Variants in ADAMTS18 observed in about 807,000 individuals in gnomAD.
The protein encoded by ADAMTS18 is ADAM metallopeptidase with thrombospondin type 1 motif 18, also known as A disintegrin and metalloproteinase with thrombospondin motifs 18.
A neutral mutation model predicts 165.9 loss-of-function variants in ADAMTS18; 157 were observed. The ratio of observed to expected loss-of-function variants is 0.95; its 90% CI spans 0.83 to 1.08. The LOEUF (loss-of-function observed/expected upper bound fraction) is 1.08. ADAMTS18 is among the 50% of genes least tolerant of loss of function. The pLI, the probability that ADAMTS18 is intolerant of heterozygous loss-of-function variation, is 0.00. For synonymous variants in ADAMTS18, 782 were observed against 578.2 expected (o/e 1.35, Z -5.06); for missense variants, 2,040 against 1,534.0 (o/e 1.33, Z -5.51).
chr16:77,300,667 TATACACAAACACATAC>T (rs1021801389), intron 16 of ADAMTS18, among the ~76,000 whole-genome samples: 27 of 152,022 alleles, frequency 1.8e-4, no homozygotes, highest in Non-Finnish European at 3.4e-4. Context: ...GCCCATAACG[TATACACAAACACATAC>T]ATACACACAC....
At chr16:77,328,824 G>C (rs967116626) in intron 12 of ADAMTS18, among the ~76,000 whole-genome samples, 1 of 152,196 alleles carries the variant, frequency 6.6e-6, no homozygotes, top group African/African-American at 2.4e-5. Flanking sequence ...ACGTGGAAAA[G>C]ACCACCAAAT....
At chr16:77,335,708 G>C in intron 12 of ADAMTS18, 48 bp downstream of exon 12, 1 of 1,611,482 alleles carries the variant, frequency 6.2e-7, no homozygotes, top group African/African-American at 1.3e-5. Flanking sequence ...CGTGTTACAG[G>C]CTGAAGGTTA....
chr16:77,376,472 G>C (rs1428361074), intron 3 of ADAMTS18, among the ~76,000 whole-genome samples: 1 of 152,144 alleles, frequency 6.6e-6, no homozygotes, highest in Non-Finnish European at 1.5e-5. Context: ...TGGTGGAAGA[G>C]CTGCCCCAAC....
At chr16:77,321,254 G>A in intron 14 of ADAMTS18, 52 bp from the exon 15 acceptor site, 1 of 1,610,250 alleles carries the variant, frequency 6.2e-7, no homozygotes, top group East Asian at 2.2e-5. Flanking sequence ...GAAGCCAGAG[G>A]CTGGGAATAA....
At chr16:77,424,333 C>A (rs982070460) in intron 3 of ADAMTS18, among the ~76,000 whole-genome samples, 2 of 152,140 alleles carry the variant, frequency 1.3e-5, no homozygotes, top group Non-Finnish European at 2.9e-5. Flanking sequence ...CCGGACATGG[C>A]AGTGCATGCC....
chr16:77,417,245 T>C (rs185056959), intron 3 of ADAMTS18, among the ~76,000 whole-genome samples: 248 of 151,738 alleles, frequency 1.6e-3, no homozygotes, highest in African/African-American at 5.7e-3. Context: ...GTTTTAGAAG[T>C]GTGAATGGGA....
chr16:77,309,174 A>C (rs2055734562), intron 16 of ADAMTS18, among the ~76,000 whole-genome samples: 1 of 152,036 alleles, frequency 6.6e-6, no homozygotes, highest in Admixed American at 6.6e-5. Flanking sequence ...TGACTGCTAA[A>C]TCAATATTTA....
chr16:77,430,510 G>T (rs1597266790), intron 3 of ADAMTS18, among the ~76,000 whole-genome samples: 1 of 152,196 alleles, frequency 6.6e-6, no homozygotes, highest in Non-Finnish European at 1.5e-5. Flanking sequence ...CCATGCCAGA[G>T]CACAATCACC....
chr16:77,341,139 C>A (rs1479493888), intron 11 of ADAMTS18, among the ~76,000 whole-genome samples: 1 of 152,124 alleles, frequency 6.6e-6, no homozygotes, highest in Non-Finnish European at 1.5e-5. Flanking sequence ...ATATTGAGAT[C>A]TCCTATAATC....
chr16:77,382,351 C>T (rs1252963284), intron 3 of ADAMTS18, among the ~76,000 whole-genome samples: 4 of 152,276 alleles, frequency 2.6e-5, no homozygotes, highest in South Asian at 2.1e-4. Flanking sequence ...GCTGGGACTA[C>T]AGGCGCCCGC....
At chr16:77,413,801 C>A (rs1363714630) in intron 3 of ADAMTS18, among the ~76,000 whole-genome samples, 1 of 115,820 alleles carries the variant, frequency 8.6e-6, no homozygotes, top group Non-Finnish European at 1.9e-5. Flanking sequence ...AAAGAGGTTT[C>A]CATCTGAAAA....
At chr16:77,373,537 A>G (rs906424005) in intron 3 of ADAMTS18, among the ~76,000 whole-genome samples, 1 of 152,178 alleles carries the variant, frequency 6.6e-6, no homozygotes, top group African/African-American at 2.4e-5. Flanking sequence ...TAAGAATGAT[A>G]TAATGGATTA....
At chr16:77,287,954 A>G (rs1242898202) in intron 22 of ADAMTS18, among the ~76,000 whole-genome samples, 1 of 152,196 alleles carries the variant, frequency 6.6e-6, no homozygotes, top group African/African-American at 2.4e-5. Context: ...TTTCATCCCT[A>G]GAAGAGTGCT....
At chr16:77,365,621 G>C (rs559926498) in intron 4 of ADAMTS18, among the ~76,000 whole-genome samples, 1 of 152,218 alleles carries the variant, frequency 6.6e-6, no homozygotes, top group South Asian at 2.1e-4. Flanking sequence ...AGACCTAGAA[G>C]TGCCTGCTCG....
intron 3 of ADAMTS18, among the ~76,000 whole-genome samples, chr16:77,428,899 A>C (rs1220078704): frequency 6.6e-6 from 1 of 152,168 alleles, no homozygotes; most frequent in African/African-American, 2.4e-5. Flanking sequence ...CAACAACTTT[A>C]TTCTTAGGCA....
Position 77,312,484 on chromosome 16 carries a change from C to T in ADAMTS18, c.2532+7365G>A, listed in dbSNP as rs539724059. 2.0e-4 allele frequency among the ~76,000 whole-genome samples: 31 copies of T among 152,230 alleles called. No individual in the cohort carries two copies. The South Asian group carries it at 3.7e-3, about 18-fold the overall frequency. ...AACTCCTGACCTCAGGTGATCTACC[C>T]GCCTTGGCCTCCCAAAGTGCTGGGA... On this transcript the variant is annotated intron_variant, in intron 16 of 22. Coordinates refer to ENST00000282849, the MANE Select transcript of ADAMTS18 (RefSeq NM_199355.4).
intron 3 of ADAMTS18, among the ~76,000 whole-genome samples, chr16:77,413,668 T>C (rs897368558): frequency 1.3e-5 from 2 of 152,218 alleles, no homozygotes; most frequent in East Asian, 1.9e-4. Flanking sequence ...CTTTGCTTTC[T>C]ACATATGTTA....
At position 77,300,324 on chromosome 16, in the gene ADAMTS18, T is replaced by C. The variant is rs2055557245; in HGVS notation, c.2613A>G (p.Thr871=). ...PKVMNGTPPA[T]KRPAYTWSIV... ...TACTCCAGGTATAGGCAGGTCTTTT[T>C]GTGGCTGGTGGAGTTCCATTCATGA... The change falls in exon 17 of 23, where the codon ACA becomes ACG. Residue 871 remains threonine, a synonymous_variant. Coordinates refer to ENST00000282849, the MANE Select transcript of ADAMTS18 (RefSeq NM_199355.4). The C allele has an allele frequency of 1.2e-6, 2 of 1,613,982 alleles. No individual in the cohort carries two copies. The highest frequency in any genetic ancestry group is 1.1e-5 in the South Asian group (1 of 91,080).
chr16:77,421,632 A>G (rs919374), intron 3 of ADAMTS18, among the ~76,000 whole-genome samples: 90,203 of 152,034 alleles, frequency 0.59, 27,889 homozygotes, highest in Middle Eastern at 0.73. Context: ...TTTGCATGTT[A>G]TACAAGCCAG....
Sources: allele counts gnomAD v4.1 joint callset (sites outside exome capture counted in the v4.1 genomes callset), GRCh38; gene constraint gnomAD v4.1.1; transcripts MANE v1.5; gene names NCBI Gene and HGNC (gene_info 2026-07-23, HGNC 2026-07-21).